The following KAZN variants were observed in gnomAD, a reference collection of about 807,000 sequenced individuals.
KAZN encodes the protein kazrin.
KAZN carries 40 observed loss-of-function variants against 87.4 expected under a neutral mutation model. The ratio of observed to expected loss-of-function variants is 0.46; its 90% confidence interval spans 0.36 to 0.60. The LOEUF (loss-of-function observed/expected upper bound fraction) is 0.60. KAZN is among the 20% of genes least tolerant of loss of function. The probability of loss-of-function intolerance (pLI) is 0.00; values close to 1 mark genes in which losing one functional copy is unlikely to be tolerated. For synonymous variants in KAZN, 466 were observed against 458.3 expected (o/e 1.02, Z -0.22); for missense variants, 898 against 1,073.9 (o/e 0.84, Z 2.29).
chr1:14,935,856 T>A (rs975938333), intron 1 of KAZN, among the ~76,000 whole-genome samples: 1 of 152,146 alleles, frequency 6.6e-6, no homozygotes, highest in African/African-American at 2.4e-5. Context: ...CTAATGGTGA[T>A]GTTGGTGGGG....
chr1:14,860,663 T>C lies in KAZN; in HGVS notation c.227-100021T>C, dbSNP rs983351064. On this transcript the variant is annotated intron_variant, in intron 1 of 14. Transcript: ENST00000376030. Reference sequence around the variant, plus strand: ...TGAAAGAAAATCGGTATTTTCTGCTTGGGTACAAGCATTTTAGACACAGCA... The same window carrying C: ...TGAAAGAAAATCGGTATTTTCTGCTCGGGTACAAGCATTTTAGACACAGCA... Among the ~76,000 whole-genome samples, 9 of 152,304 alleles carry C rather than the reference T, an allele frequency of 5.9e-5. No homozygotes were observed. In the East Asian group the frequency reaches 1.5e-3, roughly 26 times the overall value.
intron 1 of KAZN, among the ~76,000 whole-genome samples, chr1:13,964,293 A>G (rs185455658): frequency 6.6e-6 from 1 of 152,342 alleles, no homozygotes; most frequent in Non-Finnish European, 1.5e-5. Flanking sequence ...GTGTATTAGA[A>G]GGTAATAAGT....
At chr1:14,705,215 A>G (rs899022273) in intron 1 of KAZN, among the ~76,000 whole-genome samples, 13 of 152,054 alleles carry the variant, frequency 8.5e-5, no homozygotes, top group African/African-American at 2.9e-4. Flanking sequence ...CTCTTCCTCT[A>G]CTTATTAGGA....
chr1:14,108,807 C>T (rs1057277589), intron 1 of KAZN, among the ~76,000 whole-genome samples: 5 of 152,172 alleles, frequency 3.3e-5, no homozygotes, highest in African/African-American at 7.2e-5. Context: ...TCTGGCAAGC[C>T]GATTTCCTGT....
intron 2 of KAZN, among the ~76,000 whole-genome samples, chr1:14,585,507 A>G (rs1056823756): frequency 6.6e-6 from 1 of 152,156 alleles, no homozygotes; most frequent in African/African-American, 2.4e-5. Context: ...CTTCCCACGC[A>G]GGATCACAGA....
intron 1 of KAZN, among the ~76,000 whole-genome samples, chr1:13,894,813 C>T (rs894332299): frequency 2.6e-5 from 4 of 152,268 alleles, no homozygotes; most frequent in East Asian, 1.9e-4. Flanking sequence ...GCCTGAGATT[C>T]GGTGAGCTCA....
intron 13 of KAZN, among the ~76,000 whole-genome samples, chr1:15,110,295 ATATG>A (rs1240766701): frequency 4.8e-5 from 7 of 146,538 alleles, no homozygotes; most frequent in Admixed American, 2.7e-4. Context: ...GTGTGTGTGT[ATATG>A]TATGTGTGTA....
intron 1 of KAZN, among the ~76,000 whole-genome samples, chr1:13,956,227 G>A (rs1641540409): frequency 6.6e-6 from 1 of 151,818 alleles, no homozygotes; most frequent in South Asian, 2.1e-4. Context: ...TTCAAGTTGA[G>A]TCTTCCTTAC....
intron 1 of KAZN, among the ~76,000 whole-genome samples, chr1:13,969,989 G>C (rs987282378): frequency 8.5e-5 from 13 of 152,318 alleles, no homozygotes; most frequent in African/African-American, 2.2e-4. Context: ...AAAGGCACAG[G>C]CCTGGTGAAT....
chr1:14,130,933 G>C (rs1470836489), intron 1 of KAZN, among the ~76,000 whole-genome samples: 1 of 152,128 alleles, frequency 6.6e-6, no homozygotes, highest in Non-Finnish European at 1.5e-5. Flanking sequence ...CAAGCAGTGT[G>C]TATTAGTCCG....
At chr1:15,092,073 AT>A (rs58871336) in intron 8 of KAZN, among the ~76,000 whole-genome samples, 6,421 of 75,374 alleles carry the variant, frequency 0.085, 44 homozygotes, top group Non-Finnish European at 0.1. Context: ...TTTTTTTTTG[AT>A]TTTTTTTTTT....
At chr1:14,984,351 TG>T (rs1666559585) in intron 2 of KAZN, among the ~76,000 whole-genome samples, 2 of 151,808 alleles carry the variant, frequency 1.3e-5, no homozygotes, top group Middle Eastern at 3.4e-3. Context: ...CACTCCAGCC[TG>T]GGAAACAGGC....
chr1:14,847,150 G>A lies in KAZN; in HGVS notation c.227-113534G>A, dbSNP rs547114907. 2.3e-4 allele frequency among the ~76,000 whole-genome samples: 35 copies of A among 152,200 alleles called. No homozygotes were observed. The South Asian group carries it at 6.2e-3, about 27-fold the overall frequency. On this transcript the variant is annotated intron_variant, in intron 1 of 14. Coordinates refer to ENST00000376030, the MANE Select transcript of KAZN (RefSeq NM_201628.3). ...GCACAATAAAAATAAAAGATATGCC[G>A]GCAATCTTTTTAAAAGCTTATACAA...
intron 2 of KAZN, among the ~76,000 whole-genome samples, chr1:14,985,015 A>G (rs1431954242): frequency 1.3e-5 from 2 of 152,012 alleles, no homozygotes; most frequent in African/African-American, 4.8e-5. Flanking sequence ...GCTCACCTGT[A>G]GTCCCAGCTA....
At chr1:14,533,425 T>C (rs1003738491) in intron 2 of KAZN, among the ~76,000 whole-genome samples, 11 of 152,160 alleles carry the variant, frequency 7.2e-5, no homozygotes, top group African/African-American at 2.4e-4. Flanking sequence ...GCCAACCAAC[T>C]TGGCATATTG....
chr1:14,060,582 A>G (rs1642756730), intron 1 of KAZN, among the ~76,000 whole-genome samples: 1 of 152,174 alleles, frequency 6.6e-6, no homozygotes, highest in African/African-American at 2.4e-5. Flanking sequence ...GAGGGCAGGG[A>G]CAATGTCCCC....
Position 14,475,137 on chromosome 1 carries a change from T to TGATG in KAZN, c.250-123822_250-123819dup, listed in dbSNP as rs538602227. Among the ~76,000 whole-genome samples, 948 of 151,692 alleles carry TGATG rather than the reference T, an allele frequency of 6.2e-3. 9 individuals are homozygous for TGATG. Among genetic ancestry groups the TGATG allele is most frequent in the African/African-American group, 0.02 (810 of 41,350 alleles). ...GATGGATGGTAGATAGATATTGAAT[T>TGATG]GATGGATGGATGGATGGATGGATGG... On this transcript the variant is annotated intron_variant, in intron 2 of 16. Transcript: ENST00000636203.
At chr1:13,897,538 C>T (rs530303100) in intron 1 of KAZN, among the ~76,000 whole-genome samples, 1 of 152,254 alleles carries the variant, frequency 6.6e-6, no homozygotes, top group South Asian at 2.1e-4. Context: ...ATCTGAAAGT[C>T]CTGGCAAGAA....
chr1:14,142,264 C>T (rs1454826158), intron 1 of KAZN, among the ~76,000 whole-genome samples: 1 of 152,108 alleles, frequency 6.6e-6, no homozygotes, highest in Non-Finnish European at 1.5e-5. Flanking sequence ...GTCTTTAAAA[C>T]CTCCATTTTC....
Sources: gnomAD v4.1 joint callset for allele counts (sites outside exome capture counted in the v4.1 genomes callset) on GRCh38, gnomAD v4.1.1 for gene constraint, MANE v1.5 for transcripts, NCBI Gene and HGNC (gene_info 2026-07-23, HGNC 2026-07-21) for gene names.